Variants in USE1 observed in about 807,000 individuals in gnomAD.
USE1 encodes the protein unconventional SNARE in the ER 1.
In USE1, 32 loss-of-function variants were observed where a neutral mutation model predicts 37.6. That is an observed-to-expected ratio of 0.85 (90% CI 0.64 to 1.14). The LOEUF is 1.14. USE1 is among the 50% of genes most tolerant of loss of function. The pLI, the probability that USE1 is intolerant of heterozygous loss-of-function variation, is 0.00. For missense variants in USE1, 310 were observed against 332.2 expected (o/e 0.93, Z 0.52); for synonymous variants, 149 against 137.6 (o/e 1.08, Z -0.58).
intron 4 of USE1, among the ~76,000 whole-genome samples, chr19:17,217,158 G>A (rs2073295724): frequency 1.3e-5 from 2 of 148,302 alleles, no homozygotes; most frequent in African/African-American, 2.5e-5. Flanking sequence ...TTTTTGCGAT[G>A]GAGATTCGCT....
At chr19:17,218,216 G>C (rs2073302276) in intron 5 of USE1, 148 bp from the exon 6 acceptor site, 2 of 1,016,076 alleles carry the variant, frequency 2.0e-6, no homozygotes, top group African/African-American at 1.6e-5. Flanking sequence ...AGAAGAGGGG[G>C]TATTCAAGCA....
Position 17,219,795 on chromosome 19 carries a change from C to T in USE1, c.762C>T (p.Ile254=), listed in dbSNP as rs375631744. Residue 254 remains isoleucine (I), a synonymous_variant, in exon 8 of 8, where the codon ATC becomes ATT. Transcript: ENST00000263897. The part of the protein sequence containing the change: ...IFISMILFIR[I]MPKLK ...TTAGCATGATCCTCTTCATTCGAAT[C>T]ATGCCTAAACTCAAATAAAGACCCC... The T allele has an allele frequency of 6.3e-5, 100 of 1,595,848 alleles. No individual in the cohort carries two copies. The highest frequency in any genetic ancestry group is 1.0e-4 in the Admixed American group (6 of 59,614).
At chr19:17,217,252 C>G (rs530954296) in intron 4 of USE1, among the ~76,000 whole-genome samples, 1 of 151,622 alleles carries the variant, frequency 6.6e-6, no homozygotes, top group African/African-American at 2.4e-5. Context: ...ACTCCTGCCT[C>G]AGCCTCCCAA....
At chr19:17,218,280 G>A in intron 5 of USE1, 84 bp from the exon 6 acceptor site, 4 of 1,584,144 alleles carry the variant, frequency 2.5e-6, no homozygotes, top group Non-Finnish European at 3.5e-6. Flanking sequence ...ATTCCAAGCA[G>A]TAGACCCAGC....
rs189793505 is a variant in USE1 at position 17,219,695 on chromosome 19, G to T, written c.662G>T (p.Arg221Leu). 6.2e-7 allele frequency: 1 copy of T among 1,613,282 alleles called. No homozygotes were observed. Among genetic ancestry groups the T allele is most frequent in the East Asian group, 2.2e-5 (1 of 44,858 alleles). The change falls in exon 8 of 8, where the codon CGT becomes CTT. Residue 221 changes from arginine (R) to leucine (L), a missense_variant. Arg to Leu is a moderately radical substitution (Grantham distance 102). Transcript: ENST00000263897. The stretch of plus-strand genomic sequence containing the variant: ...GAGAAACTGAAGACGGAGTCAGAGC[G>T]TCTGGAGCAGCACACGCAGAAGTCA... The part of the protein sequence containing the change: ...NLEKLKTESE[R>L]LEQHTQKSVN...
intron 5 of USE1, chr19:17,217,883 G>T: frequency 2.9e-6 from 1 of 349,852 alleles, no homozygotes; most frequent in South Asian, 2.2e-5. Flanking sequence ...CTGCACTCCA[G>T]CCGGGGCGAC....
In USE1 at chr19:17,215,847, G is replaced by C. The variant is rs779464879; in HGVS notation, c.148G>C (p.Ala50Pro). The C allele has an allele frequency of 1.9e-6, 3 of 1,608,822 alleles. No homozygotes were observed. The South Asian group carries it at 3.3e-5, about 18-fold the overall frequency. The change falls in exon 2 of 8, where the codon GCG becomes CCG. Residue 50 changes from alanine to proline, a missense_variant. Physicochemically the swap from Ala to Pro is conservative, Grantham distance 27 (BLOSUM62 -1). Coordinates refer to ENST00000263897, the MANE Select transcript of USE1 (RefSeq NM_018467.4). ...CATGTTGCAGGCCCTGAAGGTCCAC[G>C]CGAGGTGAGTGCAGGCAGCCTCAGG... ...EDMLQALKVHASKPASEVINE... is the reference protein window; with the variant it reads ...EDMLQALKVHPSKPASEVINE...
chr19:17,219,065 T>G, intron 6 of USE1, 148 bp from the exon 7 acceptor site: 3 of 1,170,014 alleles, frequency 2.6e-6, no homozygotes, highest in Non-Finnish European at 3.4e-6. Flanking sequence ...AGGCAGAGGT[T>G]GCAGTGAGCC....
Position 17,215,454 on chromosome 19 carries a change from T to C in USE1, c.49T>C (p.Cys17Arg). ...AAACCTGGTGCGGCTGCTATCCCGC[T>C]GCGAGGCGATGGCAGCGGAGAAACG... The part of the protein sequence containing the change: ...ELNLVRLLSR[C>R]EAMAAEKRDP... Residue 17 changes from cysteine to arginine, a missense_variant, in exon 1 of 8, where the codon TGC (cysteine) becomes CGC (arginine). Coordinates refer to ENST00000263897, the MANE Select transcript of USE1 (RefSeq NM_018467.4). 6.4e-7 allele frequency: 1 copy of C among 1,563,512 alleles called. No homozygotes were observed. Among genetic ancestry groups the C allele is most frequent in the Non-Finnish European group, 8.7e-7 (1 of 1,155,694 alleles).
intron 5 of USE1, chr19:17,217,881 C>T (rs888022727): frequency 4.6e-5 from 16 of 346,264 alleles, no homozygotes; most frequent in Middle Eastern, 1.0e-3. Flanking sequence ...CACTGCACTC[C>T]AGCCGGGGCG....
rs757238546 is a variant in USE1, at chr19:17,216,169, ACCT to A, written c.240_242del (p.Ser81del). 6 of 1,612,166 alleles carry A rather than the reference ACCT, an allele frequency of 3.7e-6. No homozygotes were observed. Among genetic ancestry groups the A allele is most frequent in the Non-Finnish European group, 4.2e-6 (5 of 1,179,264 alleles). On this transcript the variant is annotated inframe_deletion and splice_region_variant, in exon 4 of 8. Transcript: ENST00000263897. ...GACTTATCTTCCCACATTTCTGCAG[ACCT>A]CCTCCTCAGAGAAAGCACTGGCCAA...
In USE1 at chr19:17,216,087, C is replaced by T; in HGVS notation, c.231+17C>T. On this transcript the variant is annotated intron_variant, in intron 3 of 7. Coordinates refer to ENST00000263897, the MANE Select transcript of USE1 (RefSeq NM_018467.4). ...GAGAAGCTGGTGAGAAGGGGTGCCC[C>T]TGCCCCCTCAGCCCCCATCACCGCT... is the stretch of plus-strand genomic sequence containing the variant. The T allele has an allele frequency of 6.2e-7, 1 of 1,613,256 alleles. No homozygotes were observed.
At position 17,219,334 on chromosome 19, in the gene USE1, A is replaced by G; in HGVS notation, c.544A>G (p.Ser182Gly). Residue 182 changes from serine to glycine, a missense_variant, in exon 7 of 8, where the codon AGC (serine) becomes GGC (glycine). Physicochemically the swap from Ser to Gly is moderately conservative, Grantham distance 56. Transcript: ENST00000263897. ...GGAAGAGATGCTAGGACTGGCCCGG[A>G]GCCTCAAGACCAATACCCTGGCCGC... ...LAEEMLGLAR[S>G]LKTNTLAAQS... 1.3e-5 allele frequency: 21 copies of G among 1,596,474 alleles called. No individual in the cohort carries two copies. The highest frequency in any genetic ancestry group is 1.8e-5 in the Non-Finnish European group (21 of 1,171,822).
chr19:17,219,790 C>G lies in USE1; in HGVS notation c.757C>G (p.Arg253Gly). 2 of 1,600,538 alleles carry G rather than the reference C, an allele frequency of 1.2e-6. No individual in the cohort carries two copies. The highest frequency in any genetic ancestry group is 1.7e-6 in the Non-Finnish European group (2 of 1,172,636). Residue 253 changes from arginine to glycine, a missense_variant, in exon 8 of 8, where the codon CGA becomes GGA. Arg to Gly is a moderately radical substitution (Grantham distance 125). Transcript: ENST00000263897. ...CTTCATTAGCATGATCCTCTTCATT[C>G]GAATCATGCCTAAACTCAAATAAAG... ...FIFISMILFI[R>G]IMPKLK is the part of the protein sequence containing the mutation.
chr19:17,218,255 A>G, intron 5 of USE1, 109 bp from the exon 6 acceptor site: 1 of 1,487,526 alleles, frequency 6.7e-7, no homozygotes, highest in Non-Finnish European at 9.2e-7. Flanking sequence ...GCAGCAGACA[A>G]GATGAGGAAA....
rs773844024 is a variant in USE1, at chr19:17,217,478, C to T, written c.394+16C>T. ...GACTCTGCAGGTGAGTCACCATGAACACAACAGGACTTGAGGGCCAGCTGA... is the reference window on the plus strand; with the variant it reads ...GACTCTGCAGGTGAGTCACCATGAATACAACAGGACTTGAGGGCCAGCTGA... On this transcript the variant is annotated intron_variant, in intron 5 of 7. Coordinates refer to ENST00000263897, the MANE Select transcript of USE1 (RefSeq NM_018467.4). The T allele has an allele frequency of 2.5e-6, 4 of 1,610,960 alleles. No individual in the cohort carries two copies. In the African/African-American group the frequency reaches 5.3e-5, roughly 22 times the overall value.
intron 6 of USE1, chr19:17,218,833 A>AC (rs2073306641): frequency 6.3e-6 from 1 of 159,122 alleles, no homozygotes; most frequent in African/African-American, 2.6e-5. Flanking sequence ...TCTCAAAAAA[A>AC]AAAAAAAAAA....
At chr19:17,215,616 C>T in intron 1 of USE1, 109 bp downstream of exon 1, 1 of 1,416,020 alleles carries the variant, frequency 7.1e-7, no homozygotes, top group Non-Finnish European at 9.5e-7. Context: ...TCGGGCAGCG[C>T]CCTTTCCGGT....
chr19:17,216,607 A>G (rs532599720), intron 4 of USE1, among the ~76,000 whole-genome samples: 13 of 152,354 alleles, frequency 8.5e-5, no homozygotes, highest in East Asian at 5.8e-4. Context: ...TACAAGACAC[A>G]TAAGTTTCTT....
Sources: allele counts gnomAD v4.1 joint callset (sites outside exome capture counted in the v4.1 genomes callset), GRCh38; gene constraint gnomAD v4.1.1; transcripts MANE v1.5; gene names NCBI Gene and HGNC (gene_info 2026-07-23, HGNC 2026-07-21).